HMBOX1: variants seen among roughly 807,000 people sequenced by gnomAD.
HMBOX1 encodes homeobox-containing protein 1.
A neutral mutation model predicts 54.5 loss-of-function variants in HMBOX1; 14 were observed. The ratio of observed to expected loss-of-function variants is 0.26; its 90% confidence interval spans 0.17 to 0.40. HMBOX1 has a LOEUF of 0.40. Ranked by LOEUF, HMBOX1 falls within the 10% of genes least tolerant of loss-of-function variation. HMBOX1 has a pLI of 1.00. For synonymous variants in HMBOX1, 160 were observed against 181.0 expected (o/e 0.88, Z 0.93); for missense variants, 332 against 514.4 (o/e 0.65, Z 3.43).
chr8:29,020,214 A>AT (rs1800959042), intron 6 of HMBOX1, among the ~76,000 whole-genome samples: 1 of 152,232 alleles, frequency 6.6e-6, no homozygotes, highest in African/African-American at 2.4e-5. Context: ...TGTCTAACTT[A>AT]AATTGCAACA....
chr8:28,948,983 G>T (rs1822950611), intron 1 of HMBOX1, among the ~76,000 whole-genome samples: 1 of 152,172 alleles, frequency 6.6e-6, no homozygotes, highest in African/African-American at 2.4e-5. Flanking sequence ...GAGAGTAGAG[G>T]TTTCAAAGCC....
intron 6 of HMBOX1, among the ~76,000 whole-genome samples, chr8:29,035,933 G>C (rs1054190647): frequency 6.6e-6 from 1 of 152,056 alleles, no homozygotes; most frequent in Admixed American, 6.6e-5. Context: ...ATGATTAAAA[G>C]ATAATACACA....
chr8:28,912,697 T>A (rs573025092), intron 1 of HMBOX1, among the ~76,000 whole-genome samples: 141 of 152,282 alleles, frequency 9.3e-4, no homozygotes, highest in African/African-American at 2.9e-3. Context: ...TTCTTGCCCT[T>A]CAAGTTCCTC....
chr8:28,921,492 A>G (rs922106822), intron 1 of HMBOX1, among the ~76,000 whole-genome samples: 3 of 152,242 alleles, frequency 2.0e-5, no homozygotes, highest in Non-Finnish European at 4.4e-5. Context: ...AAGCTTCTCT[A>G]CATGTAAGTA....
intron 1 of HMBOX1, among the ~76,000 whole-genome samples, chr8:28,907,447 C>T (rs1181402779): frequency 1.3e-5 from 2 of 152,062 alleles, no homozygotes; most frequent in African/African-American, 2.4e-5. Context: ...GTTGGACACT[C>T]GGGATTTGAA....
chr8:29,041,015 C>T (rs1436991818), intron 6 of HMBOX1, among the ~76,000 whole-genome samples: 1 of 152,158 alleles, frequency 6.6e-6, no homozygotes, highest in Non-Finnish European at 1.5e-5. Flanking sequence ...TCCAAATACA[C>T]TTTCCAAACA....
intron 1 of HMBOX1, among the ~76,000 whole-genome samples, chr8:28,963,136 C>T (rs1473071851): frequency 6.6e-6 from 1 of 152,130 alleles, no homozygotes; most frequent in East Asian, 1.9e-4. Flanking sequence ...AGGCATGTGC[C>T]ACCACCCCCG....
At chr8:29,032,729 T>A (rs2133197977) in intron 6 of HMBOX1, among the ~76,000 whole-genome samples, 1 of 152,284 alleles carries the variant, frequency 6.6e-6, no homozygotes, top group East Asian at 1.9e-4. Flanking sequence ...GTGCTGTATG[T>A]AAAGTCTGAT....
chr8:29,005,953 A>G (rs1344879684), intron 4 of HMBOX1, among the ~76,000 whole-genome samples: 12 of 149,950 alleles, frequency 8.0e-5, no homozygotes, highest in African/African-American at 2.9e-4. Flanking sequence ...ATAGTAGTCT[A>G]TAGCAGAATG....
intron 1 of HMBOX1, among the ~76,000 whole-genome samples, chr8:28,950,307 C>G (rs2132115096): frequency 6.6e-6 from 1 of 152,286 alleles, no homozygotes. Context: ...GGATTCTATG[C>G]TTATAAAAGA....
rs1299438320 is a variant in HMBOX1, at chr8:28,970,890, A to G, written c.500+371A>G. On this transcript the variant is annotated intron_variant, in intron 3 of 9. Coordinates refer to ENST00000287701, the MANE Select transcript of HMBOX1 (RefSeq NM_001135726.3). The surrounding 1 kb of genome is among the most constrained non-coding windows in gnomAD (Gnocchi z 4.3). ...GAGGGATAATTTTATCTTGATCAGA[A>G]TATGTACACTCTTAATTTTTCTGTT... Among the ~76,000 whole-genome samples, 1 of 151,788 alleles carries G rather than the reference A, an allele frequency of 6.6e-6. No individual in the cohort carries two copies. The highest frequency in any genetic ancestry group is 1.9e-4 in the East Asian group (1 of 5,188).
rs75484696 is a variant in HMBOX1 at position 29,004,670 on chromosome 8, A to T, written c.587-4402A>T. ...TTTAGTCTCTCAATGTGTGAAGGTT[A>T]TATGTAAATTTTTTCTTTTCCTCTG... On this transcript the variant is annotated intron_variant, in intron 4 of 9. Coordinates refer to ENST00000287701, the MANE Select transcript of HMBOX1 (RefSeq NM_001135726.3). Among the ~76,000 whole-genome samples, 466 of 152,328 alleles carry T rather than the reference A, an allele frequency of 3.1e-3. 11 individuals are homozygous for T. The highest frequency in any genetic ancestry group is 0.021 in the East Asian group (109 of 5,188).
Position 28,970,390 on chromosome 8 carries a change from G to A in HMBOX1, c.371G>A (p.Arg124Gln), listed in dbSNP as rs780209138. The A allele has an allele frequency of 3.1e-6, 5 of 1,613,952 alleles. No homozygotes were observed. The highest frequency in any genetic ancestry group is 1.3e-5 in the African/African-American group (1 of 74,916). ...TNQNGRENNE[R>Q]LSTSNGKMSP... is the part of the protein sequence containing the mutation. ...CAAAATGGGAGGGAGAATAATGAGC[G>A]ATTATCTACATCCAATGGAAAGATG... Residue 124 changes from arginine to glutamine, a missense_variant, in exon 3 of 10, where the codon CGA becomes CAA. Transcript: ENST00000287701. The surrounding 1 kb of genome is among the most constrained non-coding windows in gnomAD (Gnocchi z 4.3).
Position 28,970,806 on chromosome 8 carries a change from T to G in HMBOX1, c.500+287T>G, listed in dbSNP as rs773067533. ...TAATCTTCTCTATGACTCTAATAGCTAATTTCTGACTAACAGACACATTCT... is the reference window on the plus strand; with the variant it reads ...TAATCTTCTCTATGACTCTAATAGCGAATTTCTGACTAACAGACACATTCT... On this transcript the variant is annotated intron_variant, in intron 3 of 9. Coordinates refer to ENST00000287701, the MANE Select transcript of HMBOX1 (RefSeq NM_001135726.3). This position sits in a 1 kb window ranked among gnomAD's most constrained non-coding sequence, Gnocchi z 4.3. 7.1e-6 allele frequency: 2 copies of G among 282,748 alleles called. No individual in the cohort carries two copies. Among genetic ancestry groups the G allele is most frequent in the Non-Finnish European group, 1.3e-5 (2 of 150,678 alleles). 17.5% of individuals were successfully genotyped at this position (282,748 alleles called of 1,614,324 possible).
At chr8:28,982,442 A>C (rs1485335046) in intron 4 of HMBOX1, among the ~76,000 whole-genome samples, 2 of 151,514 alleles carry the variant, frequency 1.3e-5, no homozygotes, top group Non-Finnish European at 2.9e-5. Context: ...TTTTGTTTTT[A>C]CTTTTTTGTT....
chr8:28,894,037 A>G (rs1199409207), intron 1 of HMBOX1, among the ~76,000 whole-genome samples: 1 of 152,180 alleles, frequency 6.6e-6, no homozygotes, highest in East Asian at 1.9e-4. Flanking sequence ...TTATAGATAA[A>G]CCGAATAGTG....
intron 4 of HMBOX1, among the ~76,000 whole-genome samples, chr8:29,004,962 CTTTTA>C (rs1030329916): frequency 2.0e-5 from 3 of 152,124 alleles, no homozygotes; most frequent in African/African-American, 7.2e-5. Context: ...TCCTTTTATG[CTTTTA>C]TTTTGTTTAC....
At chr8:28,918,360 C>T (rs535795445) in intron 1 of HMBOX1, among the ~76,000 whole-genome samples, 13 of 152,090 alleles carry the variant, frequency 8.5e-5, no homozygotes, top group Non-Finnish European at 1.8e-4. Context: ...CATGCCACCA[C>T]GCCTGGCTAA....
chr8:29,011,677 G>C (rs943031595), intron 5 of HMBOX1, among the ~76,000 whole-genome samples: 1 of 152,142 alleles, frequency 6.6e-6, no homozygotes, highest in Non-Finnish European at 1.5e-5. Context: ...CAGGAGTCCA[G>C]CTTTAGCACT....
Sources: allele counts gnomAD v4.1 joint callset (sites outside exome capture counted in the v4.1 genomes callset), GRCh38; gene constraint gnomAD v4.1.1; non-coding constraint Gnocchi (gnomAD v3.1); transcripts MANE v1.5; gene names NCBI Gene and HGNC (gene_info 2026-07-23, HGNC 2026-07-21).